Variants in APBB2 observed in about 807,000 individuals in gnomAD.
The protein encoded by APBB2 is amyloid beta precursor protein binding family B member 2, also known as Fe65-like 1.
In APBB2, 38 loss-of-function variants were observed where a neutral mutation model predicts 82.5. The ratio of observed to expected loss-of-function variants is 0.46; its 90% CI spans 0.36 to 0.60. The LOEUF is 0.60. Ranked by LOEUF, APBB2 falls within the 20% of genes least tolerant of loss-of-function variation. The probability of loss-of-function intolerance (pLI) is 0.00; values close to 1 mark genes in which losing one functional copy is unlikely to be tolerated. For synonymous variants in APBB2, 341 were observed against 368.2 expected (o/e 0.93, Z 0.85); for missense variants, 772 against 972.3 (o/e 0.79, Z 2.74).
At chr4:40,841,295 G>A (rs977640304) in intron 12 of APBB2, among the ~76,000 whole-genome samples, 36 of 152,122 alleles carry the variant, frequency 2.4e-4, no homozygotes, top group Non-Finnish European at 4.6e-4. Context: ...ATCTGCCTTC[G>A]TGTCTCTCCG....
intron 12 of APBB2, among the ~76,000 whole-genome samples, chr4:40,840,727 T>C (rs936049523): frequency 3.9e-5 from 6 of 152,132 alleles, no homozygotes; most frequent in African/African-American, 7.2e-5. Flanking sequence ...ACACAGTGTG[T>C]AAATAGCAGA....
chr4:41,034,613 C>T (rs943825533), intron 4 of APBB2, among the ~76,000 whole-genome samples: 3 of 152,164 alleles, frequency 2.0e-5, no homozygotes, highest in Admixed American at 6.5e-5. Flanking sequence ...GTGTGAGTCA[C>T]GACACCTGGC....
intron 4 of APBB2, among the ~76,000 whole-genome samples, chr4:41,059,794 CTG>C (rs1449067344): frequency 6.6e-6 from 1 of 152,044 alleles, no homozygotes; most frequent in Non-Finnish European, 1.5e-5. Context: ...GCTCTGAAGG[CTG>C]TGAGACCCCT....
chr4:41,126,567 G>C (rs926884552), intron 2 of APBB2, among the ~76,000 whole-genome samples: 2 of 152,186 alleles, frequency 1.3e-5, no homozygotes, highest in Non-Finnish European at 2.9e-5. Context: ...TGCTAAAATA[G>C]CCTGGGCTGC....
rs1272278840 is a variant in APBB2 at position 41,013,500 on chromosome 4, G to A, written c.835+83C>T. 4 of 1,298,608 alleles carry A rather than the reference G, an allele frequency of 3.1e-6. No individual in the cohort carries two copies. The African/African-American group carries it at 5.9e-5, about 19-fold the overall frequency. 80.4% of individuals were successfully genotyped at this position (1,298,608 alleles called of 1,614,324 possible). A position where few individuals can be genotyped will look rare whatever the true frequency, so the allele number is the denominator to read the frequency against. ...TCCTCTCTGCATAATGGACATTTTT[G>A]GTCAGTCTAGAGATTTACTCCAATA... On this transcript the variant is annotated intron_variant, in intron 6 of 17. Transcript: ENST00000508593.
intron 1 of APBB2, among the ~76,000 whole-genome samples, chr4:41,164,548 C>T (rs1218511818): frequency 6.6e-6 from 1 of 152,150 alleles, no homozygotes; most frequent in Non-Finnish European, 1.5e-5. Flanking sequence ...TCCCTTTGTA[C>T]CAGACAGCAC....
intron 1 of APBB2, among the ~76,000 whole-genome samples, chr4:41,153,798 G>C (rs1762839381): frequency 6.6e-6 from 1 of 152,150 alleles, no homozygotes. Flanking sequence ...TTTAATTTTA[G>C]TGAAACAAAA....
intron 12 of APBB2, among the ~76,000 whole-genome samples, chr4:40,851,002 G>C (rs953540823): frequency 1.3e-5 from 2 of 152,060 alleles, no homozygotes; most frequent in African/African-American, 4.8e-5. Flanking sequence ...GCCAACCCCT[G>C]CTCTAGAGGA....
intron 2 of APBB2, among the ~76,000 whole-genome samples, chr4:41,110,093 CCTTT>C (rs140771174): frequency 0.069 from 10,573 of 152,232 alleles, 518 homozygotes; most frequent in Non-Finnish European, 0.1. Flanking sequence ...CCAGAGACCA[CCTTT>C]CTTTCTAATT....
intron 6 of APBB2, among the ~76,000 whole-genome samples, chr4:40,973,946 A>G (rs1315699434): frequency 1.3e-5 from 2 of 151,434 alleles, no homozygotes; most frequent in East Asian, 1.9e-4. Context: ...CCGCCCCCCA[A>G]GTTCAAGCAA....
intron 6 of APBB2, among the ~76,000 whole-genome samples, chr4:41,004,158 G>T (rs1230639984): frequency 1.3e-5 from 2 of 151,232 alleles, no homozygotes; most frequent in Admixed American, 1.3e-4. Flanking sequence ...ACCTCAAATG[G>T]TCTACCCACC....
intron 1 of APBB2, among the ~76,000 whole-genome samples, chr4:41,150,252 G>A (rs1761900576): frequency 6.6e-6 from 1 of 152,166 alleles, no homozygotes; most frequent in Non-Finnish European, 1.5e-5. Flanking sequence ...AATTCAAGAG[G>A]ATGTGAAAAA....
chr4:40,982,392 A>AAGGAAGGAAGG (rs1276259648), intron 6 of APBB2, among the ~76,000 whole-genome samples: 3 of 17,026 alleles, frequency 1.8e-4, no homozygotes, highest in South Asian at 3.3e-3. Flanking sequence ...GGAAGGAAGG[A>AAGGAAGGAAGG]AAGGAAAGGA....
intron 3 of APBB2, among the ~76,000 whole-genome samples, chr4:41,083,686 C>CAAAAAAA (rs3058169): frequency 5.9e-5 from 4 of 68,050 alleles, no homozygotes; most frequent in African/African-American, 5.7e-5. Flanking sequence ...GACTCTGTCT[C>CAAAAAAA]AAAAAAAAAA....
At chr4:41,134,921 A>C (rs1757149112) in intron 2 of APBB2, among the ~76,000 whole-genome samples, 1 of 152,200 alleles carries the variant, frequency 6.6e-6, no homozygotes, top group Non-Finnish European at 1.5e-5. Context: ...TTTGCACTGA[A>C]GTAACACAAA....
At chr4:41,014,904 T>C (rs765789995) in intron 5 of APBB2, among the ~76,000 whole-genome samples, 1 of 152,232 alleles carries the variant, frequency 6.6e-6, no homozygotes, top group Non-Finnish European at 1.5e-5. Context: ...TCAACCACGT[T>C]TAGAAACTGT....
chr4:41,084,977 A>G (rs375886383), intron 3 of APBB2, among the ~76,000 whole-genome samples: 21 of 152,274 alleles, frequency 1.4e-4, no homozygotes, highest in African/African-American at 4.3e-4. Flanking sequence ...CCGGCCACGC[A>G]CAGTGGCTCA....
chr4:40,994,751 T>C (rs1250916732), intron 6 of APBB2, among the ~76,000 whole-genome samples: 2 of 148,488 alleles, frequency 1.3e-5, no homozygotes, highest in East Asian at 2.0e-4. Flanking sequence ...GAGGCGGAGG[T>C]AGCAGTGAGT....
chr4:40,931,524 G>A (rs1345493147), intron 10 of APBB2, among the ~76,000 whole-genome samples: 1 of 152,110 alleles, frequency 6.6e-6, no homozygotes, highest in Non-Finnish European at 1.5e-5. Flanking sequence ...GAGATTACAG[G>A]CACAAGCCAC....
Sources: gnomAD v4.1 joint callset for allele counts (sites outside exome capture counted in the v4.1 genomes callset) on GRCh38, gnomAD v4.1.1 for gene constraint, MANE v1.5 for transcripts, NCBI Gene and HGNC (gene_info 2026-07-23, HGNC 2026-07-21) for gene names.